ST8SIA6: variants seen among roughly 807,000 people sequenced by gnomAD.
ST8SIA6 encodes the protein ST8 alpha-N-acetyl-neuraminide alpha-2,8-sialyltransferase 6.
Under a neutral mutation model 33.6 loss-of-function variants are expected in ST8SIA6, and 39 were observed. The ratio of observed to expected loss-of-function variants is 1.16; its 90% CI spans 0.90 to 1.52. The LOEUF (loss-of-function observed/expected upper bound fraction) is 1.52, where lower values mean the gene tolerates loss of function less well. ST8SIA6 is among the 40% of genes most tolerant of loss of function. The pLI is 0.00. For missense variants in ST8SIA6, 441 were observed against 443.8 expected (o/e 0.99, Z 0.06); for synonymous variants, 172 against 167.2 (o/e 1.03, Z -0.22).
intron 4 of ST8SIA6, among the ~76,000 whole-genome samples, chr10:17,356,054 T>C (rs1361373287): frequency 6.6e-6 from 1 of 152,240 alleles, no homozygotes; most frequent in Non-Finnish European, 1.5e-5. Flanking sequence ...AAATCACTCA[T>C]TCTGATATTC....
intron 2 of ST8SIA6, among the ~76,000 whole-genome samples, chr10:17,419,620 A>G (rs1258198112): frequency 6.6e-6 from 1 of 152,240 alleles, no homozygotes; most frequent in African/African-American, 2.4e-5. Context: ...GATGTTTCCA[A>G]TATGAAGATC....
chr10:17,341,828 G>A (rs924697233), intron 4 of ST8SIA6, among the ~76,000 whole-genome samples: 2 of 144,474 alleles, frequency 1.4e-5, no homozygotes, highest in Non-Finnish European at 3.0e-5. Context: ...TTGAACCCAG[G>A]AAGCAGAGGT....
chr10:17,374,182 A>G (rs913150103), intron 3 of ST8SIA6, among the ~76,000 whole-genome samples: 2 of 147,394 alleles, frequency 1.4e-5, no homozygotes, highest in Non-Finnish European at 1.5e-5. Flanking sequence ...TCATAATCCC[A>G]TTTTTTTATC....
rs1847850109 is a variant in ST8SIA6 at position 17,318,766 on chromosome 10, C to T, written c.*2112G>A. On this transcript the variant is annotated 3_prime_UTR_variant, in exon 8 of 8. Coordinates refer to ENST00000377602, the MANE Select transcript of ST8SIA6 (RefSeq NM_001004470.3). ...AAAAATTTGCAATGATTCACCAATACAGAACAAAAAGAACTGTGACTTACG... is the reference window on the plus strand; with the variant it reads ...AAAAATTTGCAATGATTCACCAATATAGAACAAAAAGAACTGTGACTTACG... 1 of 468,170 alleles carries T rather than the reference C, an allele frequency of 2.1e-6. No individual in the cohort carries two copies. Among genetic ancestry groups the T allele is most frequent in the Non-Finnish European group, 4.4e-6 (1 of 226,704 alleles). The allele number at this position is 468,170 out of a possible 1,614,324, so 29.0% of individuals were successfully genotyped here. A position where few individuals can be genotyped will look rare whatever the true frequency, so the allele number is the denominator to read the frequency against.
intron 3 of ST8SIA6, among the ~76,000 whole-genome samples, chr10:17,363,458 A>G (rs1184178842): frequency 1.3e-5 from 2 of 152,328 alleles, no homozygotes; most frequent in African/African-American, 4.8e-5. Flanking sequence ...ATTGCTTGGT[A>G]GTAGTGATGT....
At chr10:17,432,595 T>C (rs7897269) in intron 2 of ST8SIA6, among the ~76,000 whole-genome samples, 14,599 of 152,204 alleles carry the variant, frequency 0.096, 1,612 homozygotes, top group African/African-American at 0.27. Context: ...AAACACACTT[T>C]TCAGCTTTTC....
At chr10:17,373,755 A>C (rs554317157) in intron 3 of ST8SIA6, among the ~76,000 whole-genome samples, 10 of 152,132 alleles carry the variant, frequency 6.6e-5, no homozygotes, top group Non-Finnish European at 1.3e-4. Context: ...TTTCTCAATG[A>C]CTTTAAATAA....
chr10:17,448,422 G>T (rs181008171), intron 2 of ST8SIA6, among the ~76,000 whole-genome samples: 2 of 152,234 alleles, frequency 1.3e-5, no homozygotes, highest in African/African-American at 4.8e-5. Context: ...GTGGACAGCT[G>T]CCACCAAAAG....
chr10:17,391,140 G>A (rs1216426207), intron 2 of ST8SIA6, among the ~76,000 whole-genome samples: 1 of 152,124 alleles, frequency 6.6e-6, no homozygotes, highest in Non-Finnish European at 1.5e-5. Context: ...TTACAGGCGT[G>A]AGCCATCGTG....
chr10:17,352,378 AT>A (rs1322649754), intron 4 of ST8SIA6, among the ~76,000 whole-genome samples: 1 of 152,170 alleles, frequency 6.6e-6, no homozygotes. Flanking sequence ...GAATATGATG[AT>A]TAAAGCAAAG....
intron 2 of ST8SIA6, 43 bp downstream of exon 2, chr10:17,453,516 C>T (rs765274963): frequency 2.4e-6 from 3 of 1,261,086 alleles, no homozygotes; most frequent in African/African-American, 1.6e-5. Flanking sequence ...GCCCGGCTCG[C>T]AGCTCCCGAG....
chr10:17,440,187 C>T (rs1346944689), intron 2 of ST8SIA6, among the ~76,000 whole-genome samples: 2 of 150,828 alleles, frequency 1.3e-5, no homozygotes, highest in Non-Finnish European at 2.9e-5. Flanking sequence ...AGTTTCTCAA[C>T]TCAATAGTTT....
At chr10:17,326,885 C>A in intron 6 of ST8SIA6, 129 bp downstream of exon 6, 1 of 586,870 alleles carries the variant, frequency 1.7e-6, no homozygotes, top group Non-Finnish European at 2.7e-6. Flanking sequence ...GGAAACCTTC[C>A]CGGGTAATTT....
At chr10:17,375,369 G>A (rs1458004936) in intron 3 of ST8SIA6, among the ~76,000 whole-genome samples, 1 of 152,174 alleles carries the variant, frequency 6.6e-6, no homozygotes. Flanking sequence ...TTTGAAGTTT[G>A]ATCGGCCATA....
Position 17,323,152 on chromosome 10 carries a change from T to G in ST8SIA6, c.641A>C (p.Asn214Thr), listed in dbSNP as rs765328315. ...IDKSDFVFRC[N>T]LPPTTGDVSK... ...AACATCTCCTGTGGTTGGGGGTAGG[T>G]TACACCTGAAATTTGAAAAGAAAAT... The change falls in exon 7 of 8, where the codon AAC becomes ACC. Residue 214 changes from asparagine (N) to threonine (T), a missense_variant. Transcript: ENST00000377602. The G allele has an allele frequency of 3.2e-5, 52 of 1,612,168 alleles. No homozygotes were observed. The highest frequency in any genetic ancestry group is 4.2e-5 in the Non-Finnish European group (50 of 1,179,418).
At chr10:17,423,423 A>G (rs1156912542) in intron 2 of ST8SIA6, among the ~76,000 whole-genome samples, 2 of 152,046 alleles carry the variant, frequency 1.3e-5, no homozygotes, top group African/African-American at 2.4e-5. Context: ...CCCTCCTCCA[A>G]CTAGCTCCAT....
At chr10:17,333,712 T>TATATATATAA (rs1848402344) in intron 4 of ST8SIA6, among the ~76,000 whole-genome samples, 1 of 38,178 alleles carries the variant, frequency 2.6e-5, no homozygotes, top group South Asian at 7.7e-4. Context: ...TATATATATA[T>TATATATATAA]ATATATTTTT....
At position 17,453,574 on chromosome 10, in the gene ST8SIA6, G is replaced by A; in HGVS notation, c.185C>T (p.Pro62Leu). Residue 62 changes from proline (P) to leucine (L), a missense_variant, in exon 2 of 8, where the codon CCG (proline) becomes CTG (leucine). By Grantham distance (98) the Pro-to-Leu change is moderately conservative. Coordinates refer to ENST00000377602, the MANE Select transcript of ST8SIA6 (RefSeq NM_001004470.3). ...GCCGCTGTACCTGTTAGTGGCGCGC[G>A]GTACCGCGGTCGCCGGGCTCCGGAG... ...RTLRSPATAV[P>L]RATNSTYLNE... The A allele has an allele frequency of 1.5e-6, 2 of 1,322,636 alleles. No homozygotes were observed. The highest frequency in any genetic ancestry group is 6.6e-5 in the Admixed American group (2 of 30,180). 81.9% of individuals were successfully genotyped at this position (1,322,636 alleles called of 1,614,324 possible). A position where few individuals can be genotyped will look rare whatever the true frequency, so the allele number is the denominator to read the frequency against.
At chr10:17,415,091 C>A (rs557203015) in intron 2 of ST8SIA6, among the ~76,000 whole-genome samples, 1 of 152,248 alleles carries the variant, frequency 6.6e-6, no homozygotes, top group South Asian at 2.1e-4. Context: ...TCTCCATCTC[C>A]CAACTCATTT....
Sources: allele counts gnomAD v4.1 joint callset (sites outside exome capture counted in the v4.1 genomes callset), GRCh38; gene constraint gnomAD v4.1.1; transcripts MANE v1.5; gene names NCBI Gene and HGNC (gene_info 2026-07-23, HGNC 2026-07-21).